Variants in XKR4 observed in about 807,000 individuals in gnomAD.
XKR4 encodes the protein XK related 4.
XKR4 carries 12 observed loss-of-function variants against 53.9 expected under a neutral mutation model. The ratio of observed to expected loss-of-function variants is 0.22; its 90% CI spans 0.14 to 0.36. The LOEUF (loss-of-function observed/expected upper bound fraction) is 0.36, where lower values mean the gene tolerates loss of function less well. Ranked by LOEUF, XKR4 falls within the 10% of genes least tolerant of loss-of-function variation. The pLI is 1.00. For synonymous variants in XKR4, 354 were observed against 362.4 expected (o/e 0.98, Z 0.26); for missense variants, 799 against 859.5 (o/e 0.93, Z 0.88).
At chr8:55,247,908 T>TGCAGTG (rs1818308659) in intron 1 of XKR4, among the ~76,000 whole-genome samples, 1 of 136,202 alleles carries the variant, frequency 7.3e-6, no homozygotes, top group Non-Finnish European at 1.6e-5. Context: ...CAGGCTGGAG[T>TGCAGTG]GCAGTGGCAC....
intron 2 of XKR4, among the ~76,000 whole-genome samples, chr8:55,364,967 A>C (rs912913488): frequency 1.2e-4 from 18 of 152,204 alleles, no homozygotes; most frequent in Admixed American, 7.9e-4. Context: ...GCATTACATA[A>C]TTTAGTTAGG....
intron 2 of XKR4, among the ~76,000 whole-genome samples, chr8:55,364,583 T>C (rs1411425372): frequency 1.3e-5 from 2 of 152,222 alleles, no homozygotes; most frequent in Non-Finnish European, 2.9e-5. Flanking sequence ...GTCCTTCTTA[T>C]TGTTCGTTTG....
chr8:55,399,546 A>C (rs1043414528), intron 2 of XKR4, among the ~76,000 whole-genome samples: 3 of 152,078 alleles, frequency 2.0e-5, no homozygotes, highest in Non-Finnish European at 4.4e-5. Flanking sequence ...TCCTATTCCC[A>C]TCCCTAACCA....
intron 1 of XKR4, among the ~76,000 whole-genome samples, chr8:55,131,487 C>T (rs1816553401): frequency 6.6e-6 from 1 of 152,174 alleles, no homozygotes; most frequent in Non-Finnish European, 1.5e-5. Flanking sequence ...GAAATCATTC[C>T]TTTCTCTCTT....
chr8:55,300,280 C>T (rs1294055503), intron 1 of XKR4, among the ~76,000 whole-genome samples: 1 of 151,976 alleles, frequency 6.6e-6, no homozygotes, highest in Admixed American at 6.6e-5. Flanking sequence ...AGTGTTGGGA[C>T]CTGGAAGTCT....
At chr8:55,449,885 C>CT in intron 2 of XKR4, 2 of 916,020 alleles carry the variant, frequency 2.2e-6, no homozygotes, top group Non-Finnish European at 3.6e-6. Flanking sequence ...CTGGTGCTGC[C>CT]GCAGGCAGCC....
intron 2 of XKR4, among the ~76,000 whole-genome samples, chr8:55,439,336 A>AAAATTCTCTAAACAGG (rs1354098419): frequency 1.9e-5 from 1 of 53,872 alleles, no homozygotes; most frequent in African/African-American, 1.4e-4. Context: ...CTTCCCAATC[A>AAAATTCTCTAAACAGG]AAATTCTCTA....
rs1405261003 is a variant in XKR4 at position 55,531,610 on chromosome 8, C to CA, written c.*7390dup. ...ATTTTTAAATTGATATCACAACACA[C>CA]AAAAAAATTGAAATACTCTCTTGGT... On this transcript the variant is annotated 3_prime_UTR_variant, in exon 3 of 3. Transcript: ENST00000327381. 4 of 151,752 alleles carry CA rather than the reference C, an allele frequency of 2.6e-5. No individual in the cohort carries two copies. Among genetic ancestry groups the CA allele is most frequent in the African/African-American group, 9.7e-5 (4 of 41,304 alleles). 9.4% of individuals were successfully genotyped at this position (151,752 alleles called of 1,614,324 possible).
At chr8:55,503,108 T>C (rs897496087) in intron 2 of XKR4, among the ~76,000 whole-genome samples, 1 of 152,216 alleles carries the variant, frequency 6.6e-6, no homozygotes, top group East Asian at 1.9e-4. Flanking sequence ...TGTAGCTTTG[T>C]AGTAAGCTTT....
chr8:55,273,461 C>A (rs1818722262), intron 1 of XKR4, among the ~76,000 whole-genome samples: 1 of 152,166 alleles, frequency 6.6e-6, no homozygotes, highest in Admixed American at 6.5e-5. Flanking sequence ...CTTTGTAAGA[C>A]TAACATTAGC....
At chr8:55,162,622 G>A (rs1257513611) in intron 1 of XKR4, among the ~76,000 whole-genome samples, 2 of 152,108 alleles carry the variant, frequency 1.3e-5, no homozygotes, top group African/African-American at 2.4e-5. Flanking sequence ...TAAAGCCAGG[G>A]TTCCAAAATC....
At chr8:55,392,607 A>G (rs1337611753) in intron 2 of XKR4, among the ~76,000 whole-genome samples, 1 of 152,132 alleles carries the variant, frequency 6.6e-6, no homozygotes, top group African/African-American at 2.4e-5. Flanking sequence ...CCTGGACAAT[A>G]TAGCCAAACC....
At chr8:55,376,647 C>T (rs959700244) in intron 2 of XKR4, among the ~76,000 whole-genome samples, 2 of 151,950 alleles carry the variant, frequency 1.3e-5, no homozygotes, top group African/African-American at 4.8e-5. Context: ...GATGGATAGA[C>T]ATCAACTTCA....
At chr8:55,464,273 C>A (rs1224319168) in intron 2 of XKR4, among the ~76,000 whole-genome samples, 1 of 152,110 alleles carries the variant, frequency 6.6e-6, no homozygotes, top group Non-Finnish European at 1.5e-5. Context: ...AAAAGCTTAT[C>A]CACCATGATC....
chr8:55,283,954 A>AT (rs1228327603), intron 1 of XKR4, among the ~76,000 whole-genome samples: 2 of 152,092 alleles, frequency 1.3e-5, no homozygotes, highest in Non-Finnish European at 2.9e-5. Flanking sequence ...CTGTGACGTG[A>AT]TCCCTCCTTC....
At chr8:55,194,419 G>A (rs1817479854) in intron 1 of XKR4, among the ~76,000 whole-genome samples, 1 of 152,152 alleles carries the variant, frequency 6.6e-6, no homozygotes, top group Non-Finnish European at 1.5e-5. Flanking sequence ...CCAGGATTCA[G>A]GCTTAGGTGC....
At chr8:55,372,445 T>C (rs2622558) in intron 2 of XKR4, among the ~76,000 whole-genome samples, 27,736 of 152,064 alleles carry the variant, frequency 0.18, 3,469 homozygotes, top group African/African-American at 0.36. Flanking sequence ...ACCATGTGAA[T>C]GGTAATCAGA....
intron 2 of XKR4, chr8:55,451,309 G>C: frequency 1.7e-6 from 1 of 599,634 alleles, no homozygotes; most frequent in East Asian, 2.8e-5. Flanking sequence ...GGATGCCGCC[G>C]CCATGGGGTT....
intron 2 of XKR4, among the ~76,000 whole-genome samples, chr8:55,405,874 G>T (rs1013336722): frequency 6.6e-6 from 1 of 152,158 alleles, no homozygotes; most frequent in African/African-American, 2.4e-5. Context: ...GGCCTCCAAG[G>T]CATCTCTGCT....
Sources: allele counts gnomAD v4.1 joint callset (sites outside exome capture counted in the v4.1 genomes callset), GRCh38; gene constraint gnomAD v4.1.1; transcripts MANE v1.5; gene names NCBI Gene and HGNC (gene_info 2026-07-23, HGNC 2026-07-21).